The following N4BP2 variants were observed in gnomAD, a reference collection of about 807,000 sequenced individuals.
N4BP2 encodes NEDD4-binding protein 2.
Under a neutral mutation model 152.8 loss-of-function variants are expected in N4BP2, and 91 were observed. That is an observed-to-expected ratio of 0.60 (90% CI 0.50 to 0.71). The LOEUF is 0.71. Ranked by LOEUF, N4BP2 falls within the 30% of genes least tolerant of loss-of-function variation. N4BP2 has a pLI of 0.00. For missense variants in N4BP2, 1,923 were observed against 2,059.1 expected, an observed-to-expected ratio of 0.93 and a Z score of 1.28; for synonymous variants, 646 against 705.3, an observed-to-expected ratio of 0.92 and a Z score of 1.33.
chr4:40,145,264 C>G (rs1396316067), intron 16 of N4BP2, among the ~76,000 whole-genome samples: 2 of 151,666 alleles, frequency 1.3e-5, no homozygotes, highest in African/African-American at 4.8e-5. Flanking sequence ...CACTCTGTTG[C>G]CCAGGCTGGA....
At chr4:40,188,637 A>T in the N4BP2 span, among the ~76,000 whole-genome samples, 1 of 151,244 alleles carries the variant, frequency 6.6e-6, no homozygotes, top group African/African-American at 2.4e-5. Flanking sequence ...CCAGCTACTC[A>T]GGAGGCTGAG....
chr4:40,066,131 G>A (rs1477130279), intron 1 of N4BP2, among the ~76,000 whole-genome samples: 5 of 151,228 alleles, frequency 3.3e-5, no homozygotes, highest in African/African-American at 4.9e-5. Flanking sequence ...GGGTTTCACC[G>A]TGTTGGCCAG....
At position 40,117,799 on chromosome 4, in the gene N4BP2, C is replaced by T. The variant is rs143517897; in HGVS notation, c.1665-70C>T. On this transcript the variant is annotated intron_variant, in intron 7 of 17. Transcript: ENST00000261435. The stretch of plus-strand genomic sequence containing the variant: ...AGAAATATATTATTGTTTTCCTAGA[C>T]ATATGTTCTGATTTTTAAAAACTTA... 1.5e-3 allele frequency: 1,982 copies of T among 1,319,892 alleles called. 6 individuals are homozygous for T. The highest frequency in any genetic ancestry group is 1.3e-3 in the Non-Finnish European group (1,248 of 962,390). The allele number at this position is 1,319,892 out of a possible 1,614,324, so 81.8% of individuals were successfully genotyped here.
chr4:40,150,812 T>C (rs1043944362), intron 16 of N4BP2, among the ~76,000 whole-genome samples: 2 of 152,202 alleles, frequency 1.3e-5, no homozygotes, highest in Non-Finnish European at 2.9e-5. Context: ...CTTATTTCAA[T>C]CTTGATGCCA....
chr4:40,141,229 C>T (rs902581376), intron 14 of N4BP2, among the ~76,000 whole-genome samples: 20 of 148,892 alleles, frequency 1.3e-4, no homozygotes, highest in African/African-American at 4.2e-4. Flanking sequence ...CTGACCCCCC[C>T]ACCTCCCTCC....
chr4:40,079,777 G>A (rs1021628892), intron 2 of N4BP2, among the ~76,000 whole-genome samples: 29 of 152,048 alleles, frequency 1.9e-4, no homozygotes, highest in Non-Finnish European at 3.4e-4. Context: ...AGCTCAGCCT[G>A]GGTGACAGAG....
chr4:40,143,372 G>T (rs1720225205), intron 15 of N4BP2, among the ~76,000 whole-genome samples: 2 of 151,934 alleles, frequency 1.3e-5, no homozygotes, highest in African/African-American at 4.8e-5. Flanking sequence ...GGAGTATAGT[G>T]GTGCAATCTC....
chr4:40,184,514 T>C, the N4BP2 span, among the ~76,000 whole-genome samples: 1 of 152,176 alleles, frequency 6.6e-6, no homozygotes, highest in Non-Finnish European at 1.5e-5. Context: ...AGTTAATCCT[T>C]ACTGATCATT....
At chr4:40,144,410 G>A (rs59070532) in intron 15 of N4BP2, among the ~76,000 whole-genome samples, 3,142 of 152,298 alleles carry the variant, frequency 0.021, 112 homozygotes, top group African/African-American at 0.07. Context: ...TTCAGAAAAT[G>A]TTAGAAAGAA....
intron 1 of N4BP2, among the ~76,000 whole-genome samples, chr4:40,068,760 GTTTTGT>G (rs1450449563): frequency 1.3e-5 from 2 of 152,150 alleles, no homozygotes; most frequent in African/African-American, 4.8e-5. Context: ...GAGGCCTCCA[GTTTTGT>G]TTTTCTTTCT....
At chr4:40,160,478 C>A (rs896944961), downstream of N4BP2, among the ~76,000 whole-genome samples, 1 of 152,198 alleles carries the variant, frequency 6.6e-6, no homozygotes, top group African/African-American at 2.4e-5. Flanking sequence ...CGAGCTGCAG[C>A]TCCTAGTCAG....
chr4:40,132,865 A>T (rs1243657875), intron 13 of N4BP2, among the ~76,000 whole-genome samples: 1 of 151,146 alleles, frequency 6.6e-6, no homozygotes, highest in Non-Finnish European at 1.5e-5. Flanking sequence ...GCAGGTAGGA[A>T]TTGATTTACT....
Position 40,122,142 on chromosome 4 carries a change from C to G in N4BP2, c.4031C>G (p.Ala1344Gly). The G allele has an allele frequency of 6.2e-7, 1 of 1,609,466 alleles. No individual in the cohort carries two copies. Among genetic ancestry groups the G allele is most frequent in the Non-Finnish European group, 8.5e-7 (1 of 1,177,328 alleles). ...DEKEMKEILM[A>G]GSSLSAGVSG... is the part of the protein sequence containing the mutation. ...AAGGAAATGAAGGAAATTCTAATGGCAGGAAGTAGTTTATCAGCTGGAGTT... is the reference window on the plus strand; with the variant it reads ...AAGGAAATGAAGGAAATTCTAATGGGAGGAAGTAGTTTATCAGCTGGAGTT... The change falls in exon 9 of 18, where the codon GCA (alanine) becomes GGA (glycine). Residue 1344 changes from alanine (A) to glycine (G), a missense_variant. By Grantham distance (60) the Ala-to-Gly change is moderately conservative. Coordinates refer to ENST00000261435, the MANE Select transcript of N4BP2 (RefSeq NM_018177.6).
Position 40,137,692 on chromosome 4 carries a change from T to G in N4BP2, c.4785+610T>G, listed in dbSNP as rs143579068. 2.4e-3 allele frequency among the ~76,000 whole-genome samples: 360 copies of G among 152,190 alleles called. 1 individual carries two copies. The highest frequency in any genetic ancestry group is 8.2e-3 in the African/African-American group (341 of 41,510). On this transcript the variant is annotated intron_variant, in intron 14 of 17. Coordinates refer to ENST00000261435, the MANE Select transcript of N4BP2 (RefSeq NM_018177.6). The stretch of plus-strand genomic sequence containing the variant: ...CAGGAGGTATGGCTTGCTACCCAAG[T>G]TCACATGGGGAGCCAGCAGGATTGG...
intron 1 of N4BP2, among the ~76,000 whole-genome samples, chr4:40,072,729 C>CT (rs748731332): frequency 1.4e-3 from 193 of 139,688 alleles, no homozygotes; most frequent in Admixed American, 1.9e-3. Context: ...TTTTGTGGGA[C>CT]TTTTTTTTTT....
chr4:40,117,238 T>G (rs569400589), intron 7 of N4BP2, among the ~76,000 whole-genome samples: 1 of 152,348 alleles, frequency 6.6e-6, no homozygotes, highest in East Asian at 1.9e-4. Flanking sequence ...CTGGCTCCTA[T>G]GACCCTTAAC....
intron 16 of N4BP2, among the ~76,000 whole-genome samples, chr4:40,147,302 C>T (rs978964580): frequency 9.9e-5 from 15 of 152,232 alleles, no homozygotes; most frequent in African/African-American, 2.9e-4. Flanking sequence ...AAGTCTCCCA[C>T]GTCTACTTCT....
At position 40,081,062 on chromosome 4, in the gene N4BP2, A is replaced by T. The variant is rs540248201; in HGVS notation, c.-115+7511A>T. Among the ~76,000 whole-genome samples, 22 of 151,664 alleles carry T rather than the reference A, an allele frequency of 1.5e-4. No individual in the cohort carries two copies. In the Middle Eastern group the frequency reaches 0.027, roughly 189 times the overall value. On this transcript the variant is annotated intron_variant, in intron 2 of 17. Coordinates refer to ENST00000261435, the MANE Select transcript of N4BP2 (RefSeq NM_018177.6). ...CAAATAGACACAGTGAAAAAAAGGG[A>T]ATGGAAGGGATATATAGCTTGCAAA...
chr4:40,128,038 A>T (rs1278515749), intron 12 of N4BP2, among the ~76,000 whole-genome samples: 1 of 152,252 alleles, frequency 6.6e-6, no homozygotes, highest in Non-Finnish European at 1.5e-5. Flanking sequence ...TTTCAAATAG[A>T]AGCTTCACTT....
Sources: allele counts gnomAD v4.1 joint callset (sites outside exome capture counted in the v4.1 genomes callset), GRCh38; gene constraint gnomAD v4.1.1; transcripts MANE v1.5; gene names NCBI Gene and HGNC (gene_info 2026-07-23, HGNC 2026-07-21).